Variants in ABCC1 observed in about 807,000 individuals in gnomAD.
ABCC1 encodes the protein ATP binding cassette subfamily C member 1 (ABCC1 blood group).
Under a neutral mutation model 172.9 loss-of-function variants are expected in ABCC1, and 83 were observed. The ratio of observed to expected loss-of-function variants is 0.48; its 90% CI spans 0.40 to 0.58. The LOEUF is 0.58. ABCC1 is among the 20% of genes least tolerant of loss of function. The probability of loss-of-function intolerance (pLI) is 0.00; values close to 1 mark genes in which losing one functional copy is unlikely to be tolerated. For synonymous variants in ABCC1, 937 were observed against 825.2 expected (o/e 1.14, Z -2.32); for missense variants, 1,817 against 2,002.7 (o/e 0.91, Z 1.77).
intron 1 of ABCC1, among the ~76,000 whole-genome samples, chr16:15,954,103 G>A (rs866982460): frequency 2.7e-5 from 4 of 148,942 alleles, no homozygotes; most frequent in Non-Finnish European, 4.4e-5. Context: ...TGCCTGCTGC[G>A]TTCACATGAT....
intron 24 of ABCC1, among the ~76,000 whole-genome samples, chr16:16,124,315 C>CTGTGTGTGTGTG (rs11270322): frequency 1.6e-4 from 6 of 36,798 alleles, no homozygotes; most frequent in Non-Finnish European, 2.9e-4. Context: ...TGTTAATGCA[C>CTGTGTGTGTGTG]TGTGTGTGTG....
chr16:16,038,027 T>C (rs1597153617), intron 7 of ABCC1, among the ~76,000 whole-genome samples: 1 of 149,862 alleles, frequency 6.7e-6, no homozygotes, highest in Admixed American at 6.6e-5. Flanking sequence ...CAGTTCTTCA[T>C]GGAGACAGAA....
chr16:16,108,050 C>G (rs990261889), intron 21 of ABCC1, among the ~76,000 whole-genome samples: 1 of 152,024 alleles, frequency 6.6e-6, no homozygotes, highest in African/African-American at 2.4e-5. Context: ...AGAGGTGACT[C>G]TGGTGTCCTC....
chr16:15,970,596 G>GC (rs150259818), intron 1 of ABCC1, among the ~76,000 whole-genome samples: 7,988 of 152,272 alleles, frequency 0.052, 698 homozygotes, highest in African/African-American at 0.18. Flanking sequence ...TGTGGCTGGA[G>GC]TCAAAGAGTA....
chr16:16,037,771 G>A (rs534979010), intron 7 of ABCC1, among the ~76,000 whole-genome samples: 2 of 152,288 alleles, frequency 1.3e-5, no homozygotes, highest in South Asian at 2.1e-4. Context: ...CCAGGATACA[G>A]GCCTTCAGTC....
At position 16,134,427 on chromosome 16, in the gene ABCC1, A is replaced by G. The variant is rs1309622407; in HGVS notation, c.4044A>G (p.Glu1348=). ...TATTTCGGATCAACGAGTCTGCCGA[A>G]GGAGAGATCATCATCGATGGCATCA... ...LGLFRINESA[E]GEIIIDGINI... Residue 1348 remains glutamate, a synonymous_variant, in exon 28 of 31, where the codon GAA becomes GAG. Coordinates refer to ENST00000399410, the MANE Select transcript of ABCC1 (RefSeq NM_004996.4). 1 of 1,614,142 alleles carries G rather than the reference A, an allele frequency of 6.2e-7. No homozygotes were observed. Among genetic ancestry groups the G allele is most frequent in the East Asian group, 2.2e-5 (1 of 44,856 alleles).
At chr16:16,109,178 GT>G (rs566851208) in intron 21 of ABCC1, among the ~76,000 whole-genome samples, 4 of 150,506 alleles carry the variant, frequency 2.7e-5, no homozygotes, top group Non-Finnish European at 4.4e-5. Context: ...GATGATTTTT[GT>G]TTTTTTTTCT....
chr16:15,951,798 T>C (rs1597046452), intron 1 of ABCC1, among the ~76,000 whole-genome samples: 1 of 152,160 alleles, frequency 6.6e-6, no homozygotes, highest in African/African-American at 2.4e-5. Flanking sequence ...CAAGTGGTCC[T>C]CCTAACTCAG....
intron 1 of ABCC1, among the ~76,000 whole-genome samples, chr16:15,996,050 T>G (rs1425133605): frequency 6.7e-6 from 1 of 148,286 alleles, no homozygotes; most frequent in Non-Finnish European, 1.5e-5. Flanking sequence ...AGTGGCCTGA[T>G]CTCGGCTCAC....
At position 15,952,199 on chromosome 16, in the gene ABCC1, T is replaced by C. The variant is rs562575659; in HGVS notation, c.48+2400T>C. 8.5e-5 allele frequency among the ~76,000 whole-genome samples: 13 copies of C among 152,362 alleles called. No individual in the cohort carries two copies. The East Asian group carries it at 2.3e-3, about 27-fold the overall frequency. ...TTAATCTTGTAAGTGGCTCAGCTTG[T>C]GCCCTGCACGGAGATAAACAATGGT... On this transcript the variant is annotated intron_variant, in intron 1 of 30. Coordinates refer to ENST00000399410, the MANE Select transcript of ABCC1 (RefSeq NM_004996.4).
intron 7 of ABCC1, among the ~76,000 whole-genome samples, chr16:16,038,741 T>TC (rs1335904846): frequency 2.0e-5 from 3 of 152,064 alleles, no homozygotes; most frequent in South Asian, 2.1e-4. Context: ...ACCTGCAGCA[T>TC]CCCCCCCGCT....
At chr16:16,137,267 G>A (rs1001720476) in intron 29 of ABCC1, among the ~76,000 whole-genome samples, 2 of 152,298 alleles carry the variant, frequency 1.3e-5, no homozygotes, top group African/African-American at 4.8e-5. Flanking sequence ...GAGTCAGCTG[G>A]CTGTTGGCTG....
chr16:15,961,308 T>A, intron 1 of ABCC1, among the ~76,000 whole-genome samples: 1 of 152,204 alleles, frequency 6.6e-6, no homozygotes, highest in Non-Finnish European at 1.5e-5. Context: ...GATGAGGTAC[T>A]TTTTTCCTGT....
At chr16:15,990,816 ATTT>A (rs57111358) in intron 1 of ABCC1, among the ~76,000 whole-genome samples, 34 of 118,162 alleles carry the variant, frequency 2.9e-4, no homozygotes, top group Admixed American at 3.6e-4. Context: ...CGCCCGGCTA[ATTT>A]TTTTTTTTTT....
intron 14 of ABCC1, among the ~76,000 whole-genome samples, chr16:16,075,494 A>G (rs987405406): frequency 1.9e-4 from 29 of 151,878 alleles, no homozygotes; most frequent in African/African-American, 7.0e-4. Flanking sequence ...GCTGGGTGTG[A>G]TGGTGCACAT....
intron 1 of ABCC1, among the ~76,000 whole-genome samples, chr16:15,983,590 C>T (rs2046677949): frequency 7.4e-6 from 1 of 134,904 alleles, no homozygotes; most frequent in Non-Finnish European, 1.5e-5. Flanking sequence ...CAGTCTTGCT[C>T]TGTCTCCCAG....
chr16:16,014,417 A>C, intron 3 of ABCC1, 74 bp from the exon 4 acceptor site: 1 of 1,548,356 alleles, frequency 6.5e-7, no homozygotes, highest in South Asian at 1.2e-5. Flanking sequence ...ACTGCGCTCC[A>C]GCCTGGGTGA....
intron 23 of ABCC1, among the ~76,000 whole-genome samples, chr16:16,119,793 A>G (rs2045071027): frequency 6.6e-6 from 1 of 152,174 alleles, no homozygotes; most frequent in African/African-American, 2.4e-5. Context: ...GTGAACAGGT[A>G]ACACACTTGA....
At chr16:15,956,107 C>T (rs972008524) in intron 1 of ABCC1, among the ~76,000 whole-genome samples, 3 of 152,158 alleles carry the variant, frequency 2.0e-5, no homozygotes, top group Non-Finnish European at 4.4e-5. Flanking sequence ...GGTGTGGTGG[C>T]TCATGCCTGT....
Sources: allele counts gnomAD v4.1 joint callset (sites outside exome capture counted in the v4.1 genomes callset), GRCh38; gene constraint gnomAD v4.1.1; transcripts MANE v1.5; gene names NCBI Gene and HGNC (gene_info 2026-07-23, HGNC 2026-07-21).